PAPSS1: variants seen among roughly 807,000 people sequenced by gnomAD.
PAPSS1 encodes the protein bifunctional 3'-phosphoadenosine 5'-phosphosulfate synthase 1.
Under a neutral mutation model 72.0 loss-of-function variants are expected in PAPSS1, and 50 were observed. The ratio of observed to expected loss-of-function variants is 0.69; its 90% CI spans 0.55 to 0.88. The LOEUF (loss-of-function observed/expected upper bound fraction) is 0.88, where lower values mean the gene tolerates loss of function less well. Among genes scored for constraint, PAPSS1 ranks in the 40% least tolerant of loss-of-function variants. The probability of loss-of-function intolerance (pLI) is 0.00; values close to 1 mark genes in which losing one functional copy is unlikely to be tolerated. For synonymous variants in PAPSS1, 261 were observed against 263.6 expected (o/e 0.99, Z 0.09); for missense variants, 657 against 782.2 (o/e 0.84, Z 1.91).
At chr4:107,662,600 GAA>G (rs1332486738) in intron 5 of PAPSS1, among the ~76,000 whole-genome samples, 3 of 126,518 alleles carry the variant, frequency 2.4e-5, no homozygotes, top group Non-Finnish European at 1.7e-5. Flanking sequence ...ACCACATATA[GAA>G]AAAAAAAAAA....
chr4:107,676,585 A>G (rs575463012), intron 5 of PAPSS1, among the ~76,000 whole-genome samples: 13 of 152,342 alleles, frequency 8.5e-5, no homozygotes, highest in African/African-American at 2.2e-4. Flanking sequence ...GGAAGAATCA[A>G]TATCATGAAA....
intron 1 of PAPSS1, among the ~76,000 whole-genome samples, chr4:107,710,246 T>C (rs1304512980): frequency 2.6e-5 from 4 of 152,174 alleles, no homozygotes; most frequent in Non-Finnish European, 5.9e-5. Context: ...TGTGCCCTAG[T>C]TTCCATACAC....
intron 6 of PAPSS1, among the ~76,000 whole-genome samples, chr4:107,658,921 A>C (rs916915520): frequency 3.3e-5 from 5 of 152,222 alleles, no homozygotes; most frequent in Admixed American, 3.3e-4. Flanking sequence ...TGCCAATTGA[A>C]GAAATTTGAA....
At chr4:107,669,892 T>C (rs1218683229) in intron 5 of PAPSS1, among the ~76,000 whole-genome samples, 1 of 152,214 alleles carries the variant, frequency 6.6e-6, no homozygotes, top group Non-Finnish European at 1.5e-5. Flanking sequence ...AGAACACTCC[T>C]GAAAGTAAAA....
At chr4:107,679,989 A>C (rs1422871787) in intron 5 of PAPSS1, among the ~76,000 whole-genome samples, 1 of 152,204 alleles carries the variant, frequency 6.6e-6, no homozygotes, top group Non-Finnish European at 1.5e-5. Flanking sequence ...ACAGCTAAGG[A>C]ATCAGCAAAC....
intron 5 of PAPSS1, among the ~76,000 whole-genome samples, chr4:107,670,471 C>G (rs1215484017): frequency 2.0e-5 from 3 of 152,090 alleles, no homozygotes; most frequent in African/African-American, 7.2e-5. Context: ...AGCATGGAAC[C>G]AAACTATGAA....
rs375938383 is a variant in PAPSS1 at position 107,614,272 on chromosome 4, A to G, written c.1852T>C (p.Tyr618His). 1.9e-6 allele frequency: 3 copies of G among 1,613,850 alleles called. No individual in the cohort carries two copies. The highest frequency in any genetic ancestry group is 1.7e-6 in the Non-Finnish European group (2 of 1,179,792). The change falls in exon 12 of 12, where the codon TAC (tyrosine) becomes CAC (histidine). Residue 618 changes from tyrosine to histidine, a missense_variant. This residue lies in a region of PAPSS1 where 103 missense variants were observed against 93.8 expected (regional missense o/e 1.10). Transcript: ENST00000265174. ...PKAWTVLTEY[Y>H]KSLEKA is the part of the protein sequence containing the mutation. Reference sequence around the variant, plus strand: ...GCCTAAGCTTTCTCCAAGGATTTGTAGTATTCTGTCAGCACGGTCCAAGCC... The same window carrying G: ...GCCTAAGCTTTCTCCAAGGATTTGTGGTATTCTGTCAGCACGGTCCAAGCC...
intron 2 of PAPSS1, among the ~76,000 whole-genome samples, chr4:107,694,551 A>G (rs1400213920): frequency 6.6e-6 from 1 of 152,158 alleles, no homozygotes; most frequent in Non-Finnish European, 1.5e-5. Flanking sequence ...TCTCGTTACC[A>G]CTTTTCTAAA....
intron 5 of PAPSS1, among the ~76,000 whole-genome samples, chr4:107,680,030 G>A (rs1727761336): frequency 6.6e-6 from 1 of 152,012 alleles, no homozygotes; most frequent in South Asian, 2.1e-4. Flanking sequence ...AAGCTAAAAT[G>A]TTAACAGAAA....
At chr4:107,617,025 T>C (rs1372565447) in intron 11 of PAPSS1, among the ~76,000 whole-genome samples, 2 of 152,122 alleles carry the variant, frequency 1.3e-5, no homozygotes, top group Non-Finnish European at 1.5e-5. Context: ...CACAGTTCAC[T>C]GAGTCTAGCT....
At chr4:107,624,003 A>G (rs570269138) in intron 11 of PAPSS1, among the ~76,000 whole-genome samples, 1 of 152,244 alleles carries the variant, frequency 6.6e-6, no homozygotes, top group African/African-American at 2.4e-5. Flanking sequence ...TTTATAACCA[A>G]TCCATACAGT....
chr4:107,615,601 C>T (rs1725798037), intron 11 of PAPSS1, among the ~76,000 whole-genome samples: 1 of 152,072 alleles, frequency 6.6e-6, no homozygotes, highest in Admixed American at 6.6e-5. Context: ...TATAAATAAC[C>T]TAAAGGCCGA....
intron 11 of PAPSS1, among the ~76,000 whole-genome samples, chr4:107,622,177 G>T (rs1432869909): frequency 2.6e-5 from 4 of 152,122 alleles, no homozygotes; most frequent in Non-Finnish European, 4.4e-5. Context: ...TGGGTTCAAA[G>T]CTACTTTGGC....
chr4:107,687,916 G>T (rs970580561), intron 3 of PAPSS1, among the ~76,000 whole-genome samples: 1 of 151,146 alleles, frequency 6.6e-6, no homozygotes, highest in Non-Finnish European at 1.5e-5. Flanking sequence ...TCTTCCTTAT[G>T]GTCCCTCTGA....
intron 2 of PAPSS1, among the ~76,000 whole-genome samples, chr4:107,700,932 C>T (rs1049772202): frequency 6.6e-6 from 1 of 151,866 alleles, no homozygotes; most frequent in African/African-American, 2.4e-5. Context: ...ATTTAATGTG[C>T]TATCTATGAA....
intron 5 of PAPSS1, among the ~76,000 whole-genome samples, chr4:107,664,092 A>AATAAATCATT: frequency 6.6e-6 from 1 of 152,182 alleles, no homozygotes; most frequent in South Asian, 2.1e-4. Flanking sequence ...ATAAATCATG[A>AATAAATCATT]GCCTCCATTT....
Position 107,660,054 on chromosome 4 carries a change from C to T in PAPSS1, c.688G>A (p.Ala230Thr). ...LQERDIVPVD[A>T]SYEVKELYVP... ...TATAGTTCTTTTACTTCATAAGATGCATCCACAGGTACAATATCCTATATA... is the reference window on the plus strand; with the variant it reads ...TATAGTTCTTTTACTTCATAAGATGTATCCACAGGTACAATATCCTATATA... Residue 230 changes from alanine (A) to threonine (T), a missense_variant, in exon 6 of 12, where the codon GCA (alanine) becomes ACA (threonine). This residue lies in a region of PAPSS1 where 190 missense variants were observed against 176.7 expected (regional missense o/e 1.07). Transcript: ENST00000265174. 1.9e-6 allele frequency: 3 copies of T among 1,570,514 alleles called. No individual in the cohort carries two copies. Among genetic ancestry groups the T allele is most frequent in the Non-Finnish European group, 2.6e-6 (3 of 1,145,512 alleles).
rs969425757 is a variant in PAPSS1 at position 107,703,794 on chromosome 4, G to A, written c.61-2509C>T. Among the ~76,000 whole-genome samples the A allele has an allele frequency of 5.3e-5, 8 of 152,194 alleles. No individual in the cohort carries two copies. The East Asian group carries it at 9.6e-4, about 18-fold the overall frequency. On this transcript the variant is annotated intron_variant, in intron 1 of 11. Coordinates refer to ENST00000265174, the MANE Select transcript of PAPSS1 (RefSeq NM_005443.5). Reference sequence around the variant, plus strand: ...AAGTTACGTAATGTTAATACCTCCCGCTTTGTTATCTTTGCTCAAGATTGC... The same window carrying A: ...AAGTTACGTAATGTTAATACCTCCCACTTTGTTATCTTTGCTCAAGATTGC...
At chr4:107,628,867 C>A (rs1274245970) in intron 11 of PAPSS1, among the ~76,000 whole-genome samples, 4 of 152,168 alleles carry the variant, frequency 2.6e-5, no homozygotes, top group African/African-American at 9.7e-5. Context: ...AGTTATATAG[C>A]AAGGACAGGG....
Sources: allele counts gnomAD v4.1 joint callset (sites outside exome capture counted in the v4.1 genomes callset), GRCh38; gene constraint gnomAD v4.1.1; regional missense constraint gnomAD v4.1.1; transcripts MANE v1.5; gene names NCBI Gene and HGNC (gene_info 2026-07-23, HGNC 2026-07-21).